NELL2: variants seen among roughly 807,000 people sequenced by gnomAD.
The protein encoded by NELL2 is neural EGFL like 2, also known as protein kinase C-binding protein NELL2.
NELL2 carries 41 observed loss-of-function variants against 109.6 expected under a neutral mutation model. The observed-to-expected ratio is 0.37, with a 90% CI of 0.29 to 0.49. The LOEUF (loss-of-function observed/expected upper bound fraction) is 0.49, where lower values mean the gene tolerates loss of function less well. NELL2 is among the 20% of genes least tolerant of loss of function. The pLI is 0.98. For synonymous variants in NELL2, 355 were observed against 344.7 expected, an observed-to-expected ratio of 1.03 and a Z score of -0.33; for missense variants, 900 against 1,008.3, an observed-to-expected ratio of 0.89 and a Z score of 1.45.
chr12:44,709,087 C>T (rs188082793), intron 11 of NELL2, among the ~76,000 whole-genome samples: 5 of 152,240 alleles, frequency 3.3e-5, no homozygotes, highest in African/African-American at 1.2e-4. Context: ...CTAACTTCTA[C>T]GCTATTCATC....
intron 19 of NELL2, among the ~76,000 whole-genome samples, chr12:44,513,526 A>G (rs115234924): frequency 4.8e-4 from 73 of 152,080 alleles, no homozygotes; most frequent in African/African-American, 1.7e-3. Context: ...AAATGTTAAA[A>G]GATACAGTCA....
At chr12:44,745,794 A>T (rs1314611094) in intron 9 of NELL2, among the ~76,000 whole-genome samples, 2 of 152,200 alleles carry the variant, frequency 1.3e-5, no homozygotes, top group Non-Finnish European at 2.9e-5. Flanking sequence ...AATGAAATAA[A>T]AGAGGATACA....
intron 13 of NELL2, among the ~76,000 whole-genome samples, chr12:44,647,807 A>G (rs1288606301): frequency 2.0e-5 from 3 of 152,252 alleles, no homozygotes; most frequent in Non-Finnish European, 2.9e-5. Context: ...AGACATTCTT[A>G]GAAAATGTAA....
At chr12:44,633,033 T>G (rs752678197) in intron 13 of NELL2, among the ~76,000 whole-genome samples, 1 of 152,012 alleles carries the variant, frequency 6.6e-6, no homozygotes, top group South Asian at 2.1e-4. Context: ...GGAAGAAATA[T>G]GAGCCCATAC....
chr12:44,834,388 T>C (rs59796533), intron 2 of NELL2, among the ~76,000 whole-genome samples: 3,599 of 151,272 alleles, frequency 0.024, 76 homozygotes, highest in African/African-American at 0.049. Flanking sequence ...TGTGTATATA[T>C]ACATTTCTAG....
At chr12:44,846,238 G>A (rs547424919) in intron 2 of NELL2, among the ~76,000 whole-genome samples, 9 of 152,228 alleles carry the variant, frequency 5.9e-5, no homozygotes, top group South Asian at 4.1e-4. Flanking sequence ...GATTATTGAC[G>A]CCCAAAGACC....
At chr12:44,799,638 T>C (rs1479119120) in intron 3 of NELL2, among the ~76,000 whole-genome samples, 1 of 152,096 alleles carries the variant, frequency 6.6e-6, no homozygotes, top group Admixed American at 6.6e-5. Context: ...ATCAGTATAT[T>C]AGAGAGAAAA....
chr12:44,717,622 G>C (rs1466206265), intron 9 of NELL2, among the ~76,000 whole-genome samples: 1 of 152,120 alleles, frequency 6.6e-6, no homozygotes, highest in African/African-American at 2.4e-5. Context: ...GTAAAAGCAA[G>C]GGATCATCAT....
At chr12:44,700,734 A>G (rs1228090069) in intron 12 of NELL2, among the ~76,000 whole-genome samples, 1 of 152,144 alleles carries the variant, frequency 6.6e-6, no homozygotes. Flanking sequence ...CACATTTGCA[A>G]TGAAATGTTC....
intron 10 of NELL2, 86 bp downstream of exon 10, chr12:44,714,564 G>A (rs1938382345): frequency 1.4e-6 from 1 of 714,922 alleles, no homozygotes; most frequent in East Asian, 3.1e-5. Flanking sequence ...TTTCAAAAAT[G>A]TATTTCAAGG....
At chr12:44,724,787 G>A (rs925504310) in intron 9 of NELL2, among the ~76,000 whole-genome samples, 1 of 126,902 alleles carries the variant, frequency 7.9e-6, no homozygotes, top group Non-Finnish European at 1.7e-5. Context: ...AACCAAAAAA[G>A]AGCCTAAATA....
At chr12:44,707,450 C>CGA (rs1281733077) in intron 11 of NELL2, among the ~76,000 whole-genome samples, 2 of 152,060 alleles carry the variant, frequency 1.3e-5, no homozygotes, top group Non-Finnish European at 2.9e-5. Flanking sequence ...GACAAAGGGA[C>CGA]GAGATTTGAG....
intron 15 of NELL2, among the ~76,000 whole-genome samples, chr12:44,536,701 G>A (rs994435598): frequency 7.2e-5 from 11 of 151,870 alleles, no homozygotes; most frequent in Admixed American, 5.9e-4. Context: ...AATTTCATGA[G>A]TTTTATAATT....
intron 1 of NELL2, among the ~76,000 whole-genome samples, chr12:44,919,890 C>T (rs1945856156): frequency 6.6e-6 from 1 of 152,102 alleles, no homozygotes; most frequent in Non-Finnish European, 1.5e-5. Flanking sequence ...AACCTAAATT[C>T]CAAAGGAAAA....
intron 12 of NELL2, among the ~76,000 whole-genome samples, chr12:44,672,954 T>C (rs1296780663): frequency 6.6e-6 from 1 of 152,130 alleles, no homozygotes; most frequent in African/African-American, 2.4e-5. Flanking sequence ...ACAAAAAGGC[T>C]ATTGAATATG....
At chr12:44,604,966 A>G (rs945168923) in intron 15 of NELL2, among the ~76,000 whole-genome samples, 2 of 152,144 alleles carry the variant, frequency 1.3e-5, no homozygotes, top group Non-Finnish European at 2.9e-5. Context: ...CAAGAGGGAA[A>G]TTGCTCCCTG....
At chr12:44,796,828 A>C (rs563156817) in intron 3 of NELL2, among the ~76,000 whole-genome samples, 1 of 152,146 alleles carries the variant, frequency 6.6e-6, no homozygotes, top group East Asian at 1.9e-4. Context: ...GATGGCTTGA[A>C]TAACAACCTA....
chr12:44,630,018 A>G (rs1192740232), intron 13 of NELL2, among the ~76,000 whole-genome samples: 1 of 152,156 alleles, frequency 6.6e-6, no homozygotes, highest in East Asian at 1.9e-4. Context: ...CCTATTAATC[A>G]TGTTGAGGTG....
At position 44,821,667 on chromosome 12, in the gene NELL2, T is replaced by C. The variant is rs188151394; in HGVS notation, c.185-5531A>G. Among the ~76,000 whole-genome samples the C allele has an allele frequency of 5.3e-5, 8 of 152,198 alleles. No homozygotes were observed. The East Asian group carries it at 1.5e-3, about 29-fold the overall frequency. ...GACCATTAAATCAAGTCAAAGAAAC[T>C]ACCACCCAATAATTAATTTTACTTT... On this transcript the variant is annotated intron_variant, in intron 2 of 19. Transcript: ENST00000429094.
Sources: gnomAD v4.1 joint callset for allele counts (sites outside exome capture counted in the v4.1 genomes callset) on GRCh38, gnomAD v4.1.1 for gene constraint, MANE v1.5 for transcripts, NCBI Gene and HGNC (gene_info 2026-07-23, HGNC 2026-07-21) for gene names.